The following SLC14A2 variants were observed in gnomAD, a reference collection of about 807,000 sequenced individuals.
SLC14A2 encodes urea transporter 2.
Under a neutral mutation model 104.6 loss-of-function variants are expected in SLC14A2, and 91 were observed. That is an observed-to-expected ratio of 0.87 (90% confidence interval 0.73 to 1.04). SLC14A2 has a LOEUF of 1.04. Ranked by LOEUF, SLC14A2 falls within the 50% of genes least tolerant of loss-of-function variation. The pLI is 0.00. For missense variants in SLC14A2, 1,189 were observed against 1,156.0 expected (o/e 1.03, Z -0.41); for synonymous variants, 476 against 466.4 (o/e 1.02, Z -0.27).
intron 1 of SLC14A2, among the ~76,000 whole-genome samples, chr18:45,357,934 G>C (rs2085572084): frequency 1.3e-5 from 2 of 152,198 alleles, no homozygotes; most frequent in South Asian, 2.1e-4. Flanking sequence ...CAAAGTTAGT[G>C]AATCAGCACA....
intron 1 of SLC14A2, among the ~76,000 whole-genome samples, chr18:45,254,699 G>A (rs993289113): frequency 2.0e-5 from 3 of 152,026 alleles, no homozygotes; most frequent in African/African-American, 7.2e-5. Context: ...CAGCAATCTC[G>A]GTGAAAATAA....
intron 10 of SLC14A2, among the ~76,000 whole-genome samples, chr18:45,644,838 C>A (rs1439019902): frequency 6.6e-6 from 1 of 152,080 alleles, no homozygotes; most frequent in Non-Finnish European, 1.5e-5. Context: ...TAGGTCAAAC[C>A]AGCATCTCTT....
intron 2 of SLC14A2, among the ~76,000 whole-genome samples, chr18:45,555,271 A>G (rs1371303204): frequency 6.6e-6 from 1 of 152,176 alleles, no homozygotes; most frequent in African/African-American, 2.4e-5. Flanking sequence ...TGGTTTTAAT[A>G]AGAACATTCA....
chr18:45,598,212 A>G (rs530348366), intron 2 of SLC14A2, among the ~76,000 whole-genome samples: 144 of 152,264 alleles, frequency 9.5e-4, no homozygotes, highest in Non-Finnish European at 1.1e-3. Flanking sequence ...GTCTGTGCCC[A>G]CGTAGGTTAT....
At chr18:45,416,809 C>T (rs564740736) in intron 1 of SLC14A2, among the ~76,000 whole-genome samples, 4 of 152,288 alleles carry the variant, frequency 2.6e-5, no homozygotes, top group South Asian at 2.1e-4. Context: ...CTTTATAGGA[C>T]ATTTGATCAT....
At chr18:45,568,869 CAA>C (rs2044305203) in intron 2 of SLC14A2, among the ~76,000 whole-genome samples, 1 of 152,152 alleles carries the variant, frequency 6.6e-6, no homozygotes, top group Non-Finnish European at 1.5e-5. Flanking sequence ...TGGAATAAAA[CAA>C]GAGTAATACA....
At chr18:45,672,643 G>A (rs188096803) in intron 16 of SLC14A2, among the ~76,000 whole-genome samples, 1 of 152,206 alleles carries the variant, frequency 6.6e-6, no homozygotes, top group East Asian at 1.9e-4. Flanking sequence ...TCTCTTCCCT[G>A]AGGGATAAAT....
At chr18:45,299,069 A>G (rs1305612395) in intron 1 of SLC14A2, among the ~76,000 whole-genome samples, 1 of 152,170 alleles carries the variant, frequency 6.6e-6, no homozygotes, top group Admixed American at 6.5e-5. Context: ...TCTTTGACAC[A>G]TTAGGAATTC....
chr18:45,198,439 T>C, the SLC14A2 span, among the ~76,000 whole-genome samples: 2 of 152,176 alleles, frequency 1.3e-5, no homozygotes, highest in Non-Finnish European at 2.9e-5. Flanking sequence ...GTTCCTATTA[T>C]AATTATTAAG....
At chr18:45,198,232 C>G in the SLC14A2 span, among the ~76,000 whole-genome samples, 4 of 152,210 alleles carry the variant, frequency 2.6e-5, no homozygotes, top group Non-Finnish European at 5.9e-5. Flanking sequence ...TTAATAATAC[C>G]TGGGCTTCTT....
At chr18:45,205,739 A>G in the SLC14A2 span, among the ~76,000 whole-genome samples, 1 of 152,230 alleles carries the variant, frequency 6.6e-6, no homozygotes. Flanking sequence ...CCTTCAGAGT[A>G]CAAGGCCTTA....
chr18:45,411,736 G>A (rs182639146), intron 1 of SLC14A2, among the ~76,000 whole-genome samples: 1 of 152,294 alleles, frequency 6.6e-6, no homozygotes, highest in East Asian at 1.9e-4. Context: ...AACAGTGAAT[G>A]TCAGATAAAG....
rs1248943924 is a variant in SLC14A2, at chr18:45,682,816, C to T, written c.*297C>T. On this transcript the variant is annotated 3_prime_UTR_variant, in exon 20 of 20. Coordinates refer to ENST00000255226, the MANE Select transcript of SLC14A2 (RefSeq NM_007163.4). ...TCATCCTTAAAGAGAAGTCACCGGC[C>T]GGGCACGGTGGCTCACGCCTGTAAT... 2.4e-5 allele frequency: 8 copies of T among 333,394 alleles called. No individual in the cohort carries two copies. The highest frequency in any genetic ancestry group is 8.5e-5 in the African/African-American group (4 of 47,310). The allele number at this position is 333,394 out of a possible 1,614,324, so 20.7% of individuals were successfully genotyped here. A position where few individuals can be genotyped will look rare whatever the true frequency, so the allele number is the denominator to read the frequency against.
intron 1 of SLC14A2, among the ~76,000 whole-genome samples, chr18:45,388,624 T>C (rs1487820275): frequency 4.6e-5 from 7 of 152,114 alleles, no homozygotes; most frequent in Admixed American, 4.6e-4. Context: ...TCTAATCCTT[T>C]CTCTCTGCCA....
chr18:45,482,173 A>G (rs1159807840), intron 1 of SLC14A2, among the ~76,000 whole-genome samples: 1 of 152,244 alleles, frequency 6.6e-6, no homozygotes, highest in Non-Finnish European at 1.5e-5. Context: ...CTTAGGAAAG[A>G]AGAACGTGTA....
intron 2 of SLC14A2, among the ~76,000 whole-genome samples, chr18:45,547,316 T>C (rs539309125): frequency 6.6e-6 from 1 of 152,238 alleles, no homozygotes; most frequent in South Asian, 2.1e-4. Context: ...TTTTTCAGGG[T>C]CATTTAAAGC....
intron 1 of SLC14A2, among the ~76,000 whole-genome samples, chr18:45,282,233 G>A (rs751811820): frequency 1.3e-5 from 2 of 152,126 alleles, no homozygotes; most frequent in Non-Finnish European, 2.9e-5. Flanking sequence ...AGTCCAGGCT[G>A]GCTTGAAATG....
the SLC14A2 span, among the ~76,000 whole-genome samples, chr18:45,185,770 C>A: frequency 6.6e-6 from 1 of 151,854 alleles, no homozygotes; most frequent in African/African-American, 2.4e-5. Context: ...GTTATGAGAA[C>A]TAATAAGTGA....
chr18:45,255,055 G>T (rs1349636911), intron 1 of SLC14A2, among the ~76,000 whole-genome samples: 1 of 152,198 alleles, frequency 6.6e-6, no homozygotes, highest in East Asian at 1.9e-4. Flanking sequence ...CCTCCACATG[G>T]CCATCTTGCC....
Sources: gnomAD v4.1 joint callset for allele counts (sites outside exome capture counted in the v4.1 genomes callset) on GRCh38, gnomAD v4.1.1 for gene constraint, MANE v1.5 for transcripts, NCBI Gene and HGNC (gene_info 2026-07-23, HGNC 2026-07-21) for gene names.